FUT8: variants seen among roughly 807,000 people sequenced by gnomAD.
FUT8 encodes alpha-(1,6)-fucosyltransferase.
FUT8 carries 29 observed loss-of-function variants against 71.3 expected under a neutral mutation model. That is an observed-to-expected ratio of 0.41 (90% CI 0.30 to 0.55). FUT8 has a LOEUF of 0.55. Ranked by LOEUF, FUT8 falls within the 20% of genes least tolerant of loss-of-function variation. FUT8 has a pLI of 0.34. For missense variants in FUT8, 544 were observed against 702.1 expected, an observed-to-expected ratio of 0.77 and a Z score of 2.55; for synonymous variants, 254 against 239.3, an observed-to-expected ratio of 1.06 and a Z score of -0.57.
At chr14:65,586,192 G>A (rs866176890) in intron 3 of FUT8, among the ~76,000 whole-genome samples, 1 of 152,136 alleles carries the variant, frequency 6.6e-6, no homozygotes, top group Non-Finnish European at 1.5e-5. Flanking sequence ...TGATAAAACC[G>A]ATATTTCTCC....
At chr14:65,720,905 T>C (rs1239411776) in intron 7 of FUT8, among the ~76,000 whole-genome samples, 1 of 152,190 alleles carries the variant, frequency 6.6e-6, no homozygotes, top group Non-Finnish European at 1.5e-5. Context: ...GGCCTGGTGT[T>C]GCTTTCTGCT....
the FUT8 span, among the ~76,000 whole-genome samples, chr14:65,361,645 G>A: frequency 2.0e-5 from 3 of 151,990 alleles, no homozygotes; most frequent in Non-Finnish European, 2.9e-5. Context: ...AAAATTAGCC[G>A]GGCGTGGTGG....
chr14:65,671,028 T>C (rs891309586), intron 7 of FUT8, among the ~76,000 whole-genome samples: 2 of 152,318 alleles, frequency 1.3e-5, no homozygotes, highest in African/African-American at 2.4e-5. Context: ...AGATTAGTTA[T>C]AAAGGTTAGG....
At chr14:65,674,238 AT>A (rs1286497210) in intron 7 of FUT8, among the ~76,000 whole-genome samples, 4 of 152,150 alleles carry the variant, frequency 2.6e-5, no homozygotes, top group Non-Finnish European at 4.4e-5. Context: ...TTGATCCCTT[AT>A]GCTGCAAAAA....
intron 10 of FUT8, among the ~76,000 whole-genome samples, chr14:65,741,659 C>T (rs1034363239): frequency 6.6e-6 from 1 of 152,000 alleles, no homozygotes; most frequent in South Asian, 2.1e-4. Flanking sequence ...AAGGGACCAT[C>T]AGCATTTATT....
chr14:65,665,914 A>G (rs1487671660), intron 6 of FUT8, among the ~76,000 whole-genome samples: 1 of 152,130 alleles, frequency 6.6e-6, no homozygotes, highest in African/African-American at 2.4e-5. Flanking sequence ...GGCACCACAG[A>G]CACTGGGGCC....
At chr14:65,524,134 A>G (rs1352375891) in intron 2 of FUT8, among the ~76,000 whole-genome samples, 1 of 152,166 alleles carries the variant, frequency 6.6e-6, no homozygotes. Context: ...TTTGATGGGG[A>G]TGGCATTGAA....
rs1322322197 is a variant in FUT8, at chr14:65,520,790, G to A, written c.-227-40547G>A. 3.3e-5 allele frequency among the ~76,000 whole-genome samples: 5 copies of A among 152,080 alleles called. No individual in the cohort carries two copies. In the East Asian group the frequency reaches 5.8e-4, roughly 18 times the overall value. On this transcript the variant is annotated intron_variant, in intron 2 of 10. Coordinates refer to ENST00000673929, the MANE Select transcript of FUT8 (RefSeq NM_001371533.1). ...AGTTATCATTATTCTTTTAAAACAA[G>A]TTTTATTTTTCAGACCACACAGTCC...
At chr14:65,614,703 ATCT>A (rs537875549) in intron 3 of FUT8, among the ~76,000 whole-genome samples, 22 of 152,320 alleles carry the variant, frequency 1.4e-4, no homozygotes, top group African/African-American at 5.1e-4. Flanking sequence ...CTGTAGTAAA[ATCT>A]TCTTCTACCT....
intron 2 of FUT8, among the ~76,000 whole-genome samples, chr14:65,465,536 AT>A (rs2066030092): frequency 6.6e-6 from 1 of 152,132 alleles, no homozygotes; most frequent in African/African-American, 2.4e-5. Flanking sequence ...TCTCAAGACT[AT>A]TTTTTTGATC....
At position 65,713,791 on chromosome 14, in the gene FUT8, A is replaced by G. The variant is rs551011510; in HGVS notation, c.836-7984A>G. On this transcript the variant is annotated intron_variant, in intron 7 of 10. Transcript: ENST00000673929. ...ATTCTCGTTATTTATCTCTTGTCAC[A>G]TGGGTAGTTTGCAAATATTTTCTCC... 5.3e-5 allele frequency among the ~76,000 whole-genome samples: 8 copies of G among 152,238 alleles called. No homozygotes were observed. In the South Asian group the frequency reaches 1.4e-3, roughly 28 times the overall value.
At chr14:65,582,025 G>C (rs1887119489) in intron 3 of FUT8, among the ~76,000 whole-genome samples, 2 of 152,130 alleles carry the variant, frequency 1.3e-5, no homozygotes, top group African/African-American at 2.4e-5. Context: ...TGCTATAACT[G>C]TAAGTCATGG....
chr14:65,468,365 TG>T, intron 2 of FUT8: 1 of 540,156 alleles, frequency 1.9e-6, no homozygotes, highest in Non-Finnish European at 3.4e-6. Flanking sequence ...TACTGGAAGA[TG>T]GTGGTTCCGG....
At chr14:65,488,741 C>T (rs942268711) in intron 2 of FUT8, among the ~76,000 whole-genome samples, 11 of 152,210 alleles carry the variant, frequency 7.2e-5, no homozygotes, top group Non-Finnish European at 1.2e-4. Flanking sequence ...AATTTAAATA[C>T]CAGACTGTGT....
intron 7 of FUT8, among the ~76,000 whole-genome samples, chr14:65,696,120 A>C (rs999520735): frequency 6.6e-6 from 1 of 152,182 alleles, no homozygotes; most frequent in Non-Finnish European, 1.5e-5. Context: ...TGTTGCTAGT[A>C]TTATTTTGAA....
At position 65,643,941 on chromosome 14, in the gene FUT8, C is replaced by T. The variant is rs949339415; in HGVS notation, c.597+14335C>T. On this transcript the variant is annotated intron_variant, in intron 6 of 10. Transcript: ENST00000673929. This position sits in a 1 kb window ranked among gnomAD's most constrained non-coding sequence, Gnocchi z 4.5. ...ATTTTTTTCAAGAAATGGCAGGTTT[C>T]GCTATAGTTCGACTCTGATCTAAGT... 2.6e-5 allele frequency among the ~76,000 whole-genome samples: 4 copies of T among 151,694 alleles called. No individual in the cohort carries two copies. The highest frequency in any genetic ancestry group is 9.7e-5 in the African/African-American group (4 of 41,280).
intron 2 of FUT8, among the ~76,000 whole-genome samples, chr14:65,557,549 T>G (rs1885659765): frequency 6.6e-6 from 1 of 151,650 alleles, no homozygotes; most frequent in African/African-American, 2.4e-5. Context: ...GCCAGGCTGG[T>G]CTTGAACTCC....
chr14:65,736,566 G>A (rs959268038), intron 10 of FUT8, among the ~76,000 whole-genome samples: 2 of 151,856 alleles, frequency 1.3e-5, no homozygotes, highest in Admixed American at 6.6e-5. Context: ...CATATGATGC[G>A]ATTTTTCAGA....
chr14:65,556,452 C>T (rs971973471), intron 2 of FUT8, among the ~76,000 whole-genome samples: 17 of 152,166 alleles, frequency 1.1e-4, no homozygotes, highest in African/African-American at 3.6e-4. Flanking sequence ...CCCTCAGCTC[C>T]TTTCCACATG....
Sources: gnomAD v4.1 joint callset for allele counts (sites outside exome capture counted in the v4.1 genomes callset) on GRCh38, gnomAD v4.1.1 for gene constraint, Gnocchi (gnomAD v3.1) non-coding constraint, MANE v1.5 for transcripts, NCBI Gene and HGNC (gene_info 2026-07-23, HGNC 2026-07-21) for gene names.